Variants in TSC2 observed in about 807,000 individuals in gnomAD.
TSC2 encodes TSC complex subunit 2.
In TSC2, 29 loss-of-function variants were observed where a neutral mutation model predicts 202.2. The observed-to-expected ratio is 0.14, with a 90% CI of 0.11 to 0.20. The LOEUF (loss-of-function observed/expected upper bound fraction) is 0.20, where lower values mean the gene tolerates loss of function less well. Among genes scored for constraint, TSC2 ranks in the 10% least tolerant of loss-of-function variants. The probability of loss-of-function intolerance (pLI) is 1.00; values close to 1 mark genes in which losing one functional copy is unlikely to be tolerated. For synonymous variants in TSC2, 1,349 were observed against 1,044.0 expected (o/e 1.29, Z -5.63); for missense variants, 2,429 against 2,420.0 (o/e 1.00, Z -0.08).
intron 5 of TSC2, 164 bp downstream of exon 5, chr16:2,054,604 GC>G (rs1347000737): frequency 1.0e-6 from 1 of 1,001,914 alleles, no homozygotes; most frequent in Non-Finnish European, 1.5e-6. Context: ...TGGCCGGAGT[GC>G]CCCTGAGGCA....
At chr16:2,070,415 T>A in intron 16 of TSC2, 41 bp from the exon 17 acceptor site, 1 of 1,613,160 alleles carries the variant, frequency 6.2e-7, no homozygotes, top group Non-Finnish European at 8.5e-7. Flanking sequence ...GACTGCGTTT[T>A]CACCTCCTGC....
In TSC2 at chr16:2,072,903, A is replaced by C; in HGVS notation, c.2275A>C (p.Arg759=). The change falls in exon 21 of 42, where the codon AGA becomes CGA. Residue 759 remains arginine (R), a synonymous_variant. Transcript: ENST00000219476. ...CCGAGGCGCCCCAGAAGGCTTCTCC[A>C]GAACTGACTTGCACCTGGCCGTGGT... The part of the protein sequence containing the change: ...RLRGAPEGFS[R]TDLHLAVVPV... 6.2e-7 allele frequency: 1 copy of C among 1,613,700 alleles called. No homozygotes were observed. Among genetic ancestry groups the C allele is most frequent in the Non-Finnish European group, 8.5e-7 (1 of 1,180,048 alleles).
intron 25 of TSC2, 139 bp from the exon 26 acceptor site, chr16:2,077,459 T>C: frequency 7.7e-7 from 1 of 1,293,920 alleles, no homozygotes; most frequent in South Asian, 1.3e-5. Context: ...ATGGCTCTTT[T>C]TGCTCATCTC....
rs1367706562 is a variant in TSC2 at position 2,079,756 on chromosome 16, C to G, written c.3397+87C>G. On this transcript the variant is annotated intron_variant, in intron 29 of 41. Coordinates refer to ENST00000219476, the MANE Select transcript of TSC2 (RefSeq NM_000548.5). This position sits in a 1 kb window ranked among gnomAD's most constrained non-coding sequence, Gnocchi z 4.6. ...CCAGTGTTCAGGAAGGCCCCGAGCC[C>G]AGGGGCCGGGGTGGCTGGCTTCAGG... is the stretch of plus-strand genomic sequence containing the variant. 7.2e-7 allele frequency: 1 copy of G among 1,397,068 alleles called. No homozygotes were observed. The highest frequency in any genetic ancestry group is 9.7e-7 in the Non-Finnish European group (1 of 1,034,712). 86.5% of individuals were successfully genotyped at this position (1,397,068 alleles called of 1,614,324 possible). A position where few individuals can be genotyped will look rare whatever the true frequency, so the allele number is the denominator to read the frequency against.
chr16:2,088,378 G>A (rs2151635386), intron 41 of TSC2, 53 bp downstream of exon 41: 1 of 1,612,428 alleles, frequency 6.2e-7, no homozygotes, highest in Non-Finnish European at 8.5e-7. Context: ...CAAGCTGTGG[G>A]GCGGGTGTGT....
Position 2,079,557 on chromosome 16 carries a change from C to T in TSC2, c.3285C>T (p.Ser1095=), listed in dbSNP as rs745446277. The T allele has an allele frequency of 3.1e-6, 5 of 1,609,556 alleles. No individual in the cohort carries two copies. Among genetic ancestry groups the T allele is most frequent in the South Asian group, 1.1e-5 (1 of 90,512 alleles). The change falls in exon 29 of 42, where the codon AGC becomes AGT. Residue 1095 remains serine (S), a splice_region_variant and synonymous_variant. Coordinates refer to ENST00000219476, the MANE Select transcript of TSC2 (RefSeq NM_000548.5). The surrounding 1 kb of genome is among the most constrained non-coding windows in gnomAD (Gnocchi z 4.6). ...SGELQSGPES[S]SSPGVHVRQT... The stretch of plus-strand genomic sequence containing the variant: ...CCTGTGCGTGGGATTCTCTTCTCAG[C>T]TCCAGCCCCGGGGTGCATGTGAGAC...
intron 23 of TSC2, 27 bp downstream of exon 23, chr16:2,075,919 C>A (rs761914863): frequency 1.2e-6 from 2 of 1,612,950 alleles, no homozygotes; most frequent in Non-Finnish European, 1.7e-6. Context: ...GGCCCTGTGC[C>A]TCCCAGCCGT....
chr16:2,087,423 C>CA (rs1466636724), intron 38 of TSC2, among the ~76,000 whole-genome samples: 4 of 147,624 alleles, frequency 2.7e-5, no homozygotes, highest in South Asian at 2.1e-4. Context: ...GGCTGGTAGT[C>CA]AGAGTCCAGG....
At position 2,048,751 on chromosome 16, in the gene TSC2, AGAGT is replaced by A. The variant is rs2084688881; in HGVS notation, c.138+6_138+9del. On this transcript the variant is annotated splice_donor_variant and coding_sequence_variant, in exon 2 of 42. Transcript: ENST00000219476. LOFTEE classifies it high-confidence loss of function. ...GTTTATCATCACCGCGGAAATACTG[AGAGT>A]GAGTGAGCTACCTGTGTCTTTGCTA... 1 of 1,614,064 alleles carries A rather than the reference AGAGT, an allele frequency of 6.2e-7. No individual in the cohort carries two copies. The highest frequency in any genetic ancestry group is 8.5e-7 in the Non-Finnish European group (1 of 1,180,038).
In TSC2 at chr16:2,079,353, C is replaced by T. The variant is rs147989574; in HGVS notation, c.3209C>T (p.Thr1070Met). ...WLVGNKLVTV[T>M]TSVGTGTRSL... Reference sequence around the variant, plus strand: ...GTTGGGAACAAGCTTGTCACTGTGACGACAAGCGTGGGAACCGGGACCCGG... The same window carrying T: ...GTTGGGAACAAGCTTGTCACTGTGATGACAAGCGTGGGAACCGGGACCCGG... Residue 1070 changes from threonine (T) to methionine (M), a missense_variant, in exon 28 of 42, where the codon ACG (threonine) becomes ATG (methionine). Thr to Met is a moderately conservative substitution (Grantham distance 81). Transcript: ENST00000219476. The surrounding 1 kb of genome is among the most constrained non-coding windows in gnomAD (Gnocchi z 4.6). The T allele has an allele frequency of 2.0e-5, 32 of 1,612,810 alleles. No homozygotes were observed. Among genetic ancestry groups the T allele is most frequent in the Non-Finnish European group, 2.5e-5 (29 of 1,180,018 alleles).
intron 5 of TSC2, 134 bp downstream of exon 5, chr16:2,054,574 T>C: frequency 3.7e-6 from 5 of 1,355,680 alleles, no homozygotes; most frequent in Non-Finnish European, 4.2e-6. Flanking sequence ...CCCTGCTTCA[T>C]GCACCTGGGC....
intron 11 of TSC2, chr16:2,061,018 C>T (rs1022923035): frequency 1.5e-5 from 10 of 667,622 alleles, no homozygotes; most frequent in African/African-American, 1.4e-4. Flanking sequence ...TCGTTTAGGC[C>T]CCAGACAGGA....
chr16:2,077,796 A>C (rs1456422610), intron 26 of TSC2, 70 bp downstream of exon 26: 9 of 1,600,596 alleles, frequency 5.6e-6, no homozygotes, highest in Non-Finnish European at 7.6e-6. Flanking sequence ...GTGGCAGTGC[A>C]TGGGGCTGCT....
intron 16 of TSC2, among the ~76,000 whole-genome samples, chr16:2,069,771 T>C (rs185914898): frequency 0.022 from 3,307 of 151,764 alleles, 132 homozygotes; most frequent in African/African-American, 0.075. Context: ...TGAGCCACTG[T>C]GCCCGGCCTA....
At position 2,076,456 on chromosome 16, in the gene TSC2, C is replaced by T. The variant is rs200444356; in HGVS notation, c.2743-35C>T. 11 of 1,611,912 alleles carry T rather than the reference C, an allele frequency of 6.8e-6. No individual in the cohort carries two copies. The East Asian group carries it at 2.5e-4, about 36-fold the overall frequency. On this transcript the variant is annotated intron_variant, in intron 24 of 41. Transcript: ENST00000219476. ...GGTGAGGGCCTCCAGCCCCCATTGCCACCCCTCACTGTCTGGGTGTGCTCA... is the reference window on the plus strand; with the variant it reads ...GGTGAGGGCCTCCAGCCCCCATTGCTACCCCTCACTGTCTGGGTGTGCTCA...
intron 17 of TSC2, 108 bp from the exon 18 acceptor site, chr16:2,071,402 C>G (rs1361054330): frequency 2.6e-6 from 3 of 1,173,166 alleles, no homozygotes; most frequent in Non-Finnish European, 3.7e-6. Context: ...AGCAGGTGGC[C>G]TTTTCTGAGT....
chr16:2,057,065 C>G, intron 8 of TSC2, 40 bp from the exon 9 acceptor site: 1 of 1,547,548 alleles, frequency 6.5e-7, no homozygotes, highest in East Asian at 2.4e-5. Context: ...GGGGGCAGGG[C>G]TTATGCCTGC....
At chr16:2,068,249 A>T (rs953638109) in intron 16 of TSC2, among the ~76,000 whole-genome samples, 1 of 152,158 alleles carries the variant, frequency 6.6e-6, no homozygotes, top group African/African-American at 2.4e-5. Flanking sequence ...CATGTTGGCC[A>T]GGCTGGTCTC....
intron 30 of TSC2, 145 bp downstream of exon 30, chr16:2,080,522 G>A: frequency 1.1e-6 from 1 of 933,288 alleles, no homozygotes; most frequent in Non-Finnish European, 1.6e-6. Flanking sequence ...CTTGCTCTGT[G>A]GCCCACGCTG....
Sources: allele counts gnomAD v4.1 joint callset (sites outside exome capture counted in the v4.1 genomes callset), GRCh38; gene constraint gnomAD v4.1.1; non-coding constraint Gnocchi (gnomAD v3.1); transcripts MANE v1.5; gene names NCBI Gene and HGNC (gene_info 2026-07-23, HGNC 2026-07-21).